BIN3: variants seen among roughly 807,000 people sequenced by gnomAD.
BIN3 encodes bridging integrator 3.
In BIN3, 41 loss-of-function variants were observed where a neutral mutation model predicts 38.2. The ratio of observed to expected loss-of-function variants is 1.07; its 90% CI spans 0.84 to 1.39. The LOEUF (loss-of-function observed/expected upper bound fraction) is 1.39. BIN3 is among the 40% of genes most tolerant of loss of function. The pLI, the probability that BIN3 is intolerant of heterozygous loss-of-function variation, is 0.00. For missense variants in BIN3, 361 were observed against 324.3 expected (o/e 1.11, Z -0.87); for synonymous variants, 145 against 122.6 (o/e 1.18, Z -1.21).
chr8:22,645,074 T>C (rs1390211333), intron 1 of BIN3, among the ~76,000 whole-genome samples: 1 of 150,370 alleles, frequency 6.7e-6, no homozygotes, highest in Non-Finnish European at 1.5e-5. Context: ...TTAAAGAAAA[T>C]GAAAAGGTGA....
intron 1 of BIN3, among the ~76,000 whole-genome samples, chr8:22,648,188 C>T (rs1043651396): frequency 2.0e-5 from 3 of 150,888 alleles, no homozygotes; most frequent in Non-Finnish European, 4.4e-5. Context: ...GTACATAATT[C>T]CTATGTTGCC....
rs1185234330 is a variant in BIN3, at chr8:22,620,936, C to T, written c.*486G>A. ...TCTTGCTGGGAAGCTGGCTGAGGGC[C>T]TGCCAGGGCTGGAGGACCAGCTCTC... is the stretch of plus-strand genomic sequence containing the variant. On this transcript the variant is annotated 3_prime_UTR_variant, in exon 9 of 9. Transcript: ENST00000276416. 1 of 153,068 alleles carries T rather than the reference C, an allele frequency of 6.5e-6. No homozygotes were observed. The highest frequency in any genetic ancestry group is 1.9e-4 in the East Asian group (1 of 5,210). The allele number at this position is 153,068 out of a possible 1,614,324, so 9.5% of individuals were successfully genotyped here.
chr8:22,664,522 G>C (rs1162433807), intron 1 of BIN3, among the ~76,000 whole-genome samples: 1 of 152,214 alleles, frequency 6.6e-6, no homozygotes. Context: ...AGGACACAAG[G>C]ACTTCCTCTA....
chr8:22,621,277 A>C lies in BIN3; in HGVS notation c.*145T>G, dbSNP rs1801796132. On this transcript the variant is annotated 3_prime_UTR_variant, in exon 9 of 9. Coordinates refer to ENST00000276416, the MANE Select transcript of BIN3 (RefSeq NM_018688.6). ...GCCTAGGGCTCCTGGTGCCAGGCTC[A>C]GGAAGAGTCATTCATTGCAAAGGGC... 3 of 1,124,460 alleles carry C rather than the reference A, an allele frequency of 2.7e-6. No homozygotes were observed. The highest frequency in any genetic ancestry group is 3.7e-6 in the Non-Finnish European group (3 of 809,614). 69.7% of individuals were successfully genotyped at this position (1,124,460 alleles called of 1,614,324 possible).
intron 6 of BIN3, among the ~76,000 whole-genome samples, chr8:22,627,305 TG>T (rs1802033303): frequency 6.6e-6 from 1 of 152,032 alleles, no homozygotes; most frequent in African/African-American, 2.4e-5. Context: ...CCAAGGTGGC[TG>T]AAGAGTAGTG....
At chr8:22,662,143 C>T (rs1187262255) in intron 1 of BIN3, among the ~76,000 whole-genome samples, 1 of 152,202 alleles carries the variant, frequency 6.6e-6, no homozygotes, top group African/African-American at 2.4e-5. Flanking sequence ...CCCCATTCTC[C>T]AGAGGCTGGG....
intron 1 of BIN3, among the ~76,000 whole-genome samples, chr8:22,661,012 G>A (rs563726740): frequency 1.3e-5 from 2 of 152,290 alleles, no homozygotes; most frequent in East Asian, 3.9e-4. Flanking sequence ...AGCCTGCTGA[G>A]TGCTGGGACT....
Position 22,640,789 on chromosome 8 carries a change from G to A in BIN3, c.58-3827C>T, listed in dbSNP as rs150607505. ...GCTGGGGACTGCTTGGACTTGTACC[G>A]GGAGGGACTTCAGGTTTTCAGCTAG... On this transcript the variant is annotated intron_variant, in intron 2 of 8. Transcript: ENST00000276416. 5.6e-4 allele frequency among the ~76,000 whole-genome samples: 85 copies of A among 151,714 alleles called. No homozygotes were observed. In the East Asian group the frequency reaches 0.012, roughly 21 times the overall value.
chr8:22,662,874 T>C (rs1445250185), intron 1 of BIN3, among the ~76,000 whole-genome samples: 1 of 152,180 alleles, frequency 6.6e-6, no homozygotes, highest in African/African-American at 2.4e-5. Context: ...CGGTGGCTCA[T>C]GCTTGTAATC....
At chr8:22,658,690 G>C (rs927971953) in intron 1 of BIN3, among the ~76,000 whole-genome samples, 6 of 152,246 alleles carry the variant, frequency 3.9e-5, no homozygotes, top group Admixed American at 3.9e-4. Flanking sequence ...GCCTAGGCCT[G>C]GCTTGGGGAT....
chr8:22,644,718 G>A (rs144188310), intron 2 of BIN3, 37 bp downstream of exon 2: 1 of 1,597,536 alleles, frequency 6.3e-7, no homozygotes, highest in East Asian at 2.2e-5. Flanking sequence ...ATGTGATACA[G>A]AACTGAATCT....
intron 2 of BIN3, 78 bp downstream of exon 2, chr8:22,644,677 G>A: frequency 7.1e-7 from 1 of 1,406,604 alleles, no homozygotes; most frequent in South Asian, 1.2e-5. Flanking sequence ...AAGATGTGTT[G>A]ATTCAAAGCT....
At chr8:22,627,558 A>C (rs1351976485) in intron 6 of BIN3, among the ~76,000 whole-genome samples, 4 of 151,970 alleles carry the variant, frequency 2.6e-5, no homozygotes, top group African/African-American at 9.7e-5. Context: ...GACCCCACAG[A>C]GGCCCTGCTG....
intron 8 of BIN3, among the ~76,000 whole-genome samples, 166 bp downstream of exon 8, chr8:22,623,749 G>A (rs1801917112): frequency 6.6e-6 from 1 of 152,178 alleles, no homozygotes; most frequent in South Asian, 2.1e-4. Context: ...CCCCCAAGTC[G>A]CTGAGCCTGG....
intron 1 of BIN3, among the ~76,000 whole-genome samples, chr8:22,647,639 C>A (rs1186356005): frequency 6.6e-6 from 1 of 152,218 alleles, no homozygotes; most frequent in Non-Finnish European, 1.5e-5. Flanking sequence ...GACGTTCGTG[C>A]TGAACTGGGT....
At chr8:22,638,153 A>C (rs1245653525) in intron 2 of BIN3, among the ~76,000 whole-genome samples, 4 of 152,232 alleles carry the variant, frequency 2.6e-5, no homozygotes, top group Admixed American at 1.3e-4. Context: ...CAGGGAGTAC[A>C]CATCTGCAGA....
chr8:22,625,502 G>C (rs965374806), intron 6 of BIN3: 5 of 681,976 alleles, frequency 7.3e-6, no homozygotes, highest in African/African-American at 7.0e-5. Context: ...TCAGAGTTGA[G>C]AGGATGCTGG....
intron 1 of BIN3, among the ~76,000 whole-genome samples, chr8:22,648,301 T>G (rs759345857): frequency 6.6e-6 from 1 of 152,074 alleles, no homozygotes; most frequent in Non-Finnish European, 1.5e-5. Flanking sequence ...TCTTCAGACC[T>G]CCTCAGTTTT....
intron 6 of BIN3, chr8:22,625,167 G>A (rs1028550431): frequency 1.5e-5 from 9 of 613,078 alleles, no homozygotes; most frequent in African/African-American, 1.1e-4. Flanking sequence ...AGCAGTGGAC[G>A]ATGCAACGCT....
Sources: allele counts gnomAD v4.1 joint callset (sites outside exome capture counted in the v4.1 genomes callset), GRCh38; gene constraint gnomAD v4.1.1; transcripts MANE v1.5; gene names NCBI Gene and HGNC (gene_info 2026-07-23, HGNC 2026-07-21).